Variants in EFTUD2 observed in about 807,000 individuals in gnomAD.
EFTUD2 encodes the protein elongation factor Tu GTP binding domain containing 2.
In EFTUD2, 9 loss-of-function variants were observed where a neutral mutation model predicts 114.3. The observed-to-expected ratio is 0.08, with a 90% confidence interval of 0.05 to 0.14. EFTUD2 has a LOEUF of 0.14. EFTUD2 is among the 10% of genes least tolerant of loss of function. EFTUD2 has a pLI of 1.00. For missense variants in EFTUD2, 765 were observed against 1,241.2 expected, an observed-to-expected ratio of 0.62 and a Z score of 5.76; for synonymous variants, 449 against 462.3, an observed-to-expected ratio of 0.97 and a Z score of 0.37.
chr17:44,876,769 C>T (rs1191489220), intron 9 of EFTUD2, among the ~76,000 whole-genome samples: 4 of 142,558 alleles, frequency 2.8e-5, no homozygotes, highest in East Asian at 2.2e-4. Flanking sequence ...AGGAGAATGG[C>T]GTGAACCCGG....
intron 13 of EFTUD2, among the ~76,000 whole-genome samples, chr17:44,865,553 T>G (rs573741068): frequency 1.3e-5 from 2 of 152,164 alleles, no homozygotes; most frequent in African/African-American, 4.8e-5. Context: ...TTTTTATTAA[T>G]CCATTCCAGT....
intron 4 of EFTUD2, 134 bp from the exon 5 acceptor site, chr17:44,883,858 A>G (rs2051117490): frequency 1.3e-6 from 1 of 742,716 alleles, no homozygotes; most frequent in Admixed American, 2.1e-5. Context: ...GGCAGATGTG[A>G]ATGTCTATAC....
Position 44,854,259 on chromosome 17 carries a change from G to T in EFTUD2, c.2347+10C>A, listed in dbSNP as rs542550666. ...CGAGGACTGGGGTGGGGGAGTGCTG[G>T]TGGACTTACATTCATCACAGAGGGG... On this transcript the variant is annotated intron_variant, in intron 23 of 27. Transcript: ENST00000426333. This position sits in a 1 kb window ranked among gnomAD's most constrained non-coding sequence, Gnocchi z 4.3. 2.5e-6 allele frequency: 4 copies of T among 1,610,496 alleles called. No homozygotes were observed. The African/African-American group carries it at 5.3e-5, about 22-fold the overall frequency.
Position 44,886,731 on chromosome 17 carries a change from T to C in EFTUD2, c.125A>G (p.Asp42Gly), listed in dbSNP as rs2051181249. 1.2e-6 allele frequency: 2 copies of C among 1,613,716 alleles called. No individual in the cohort carries two copies. Among genetic ancestry groups the C allele is most frequent in the South Asian group, 1.1e-5 (1 of 91,076 alleles). ...ATCGTCATGATCTCCTACGTCATCG[T>C]CGTCGTCATCATCATCCATCTGAAA... is the stretch of plus-strand genomic sequence containing the variant. ...DLDEMDDDDD[D>G]DDVGDHDDDH... is the part of the protein sequence containing the mutation. The change falls in exon 3 of 28, where the codon GAC becomes GGC. Residue 42 changes from aspartate (D) to glycine (G), a missense_variant. Physicochemically the swap from Asp to Gly is moderately conservative, Grantham distance 94. This residue lies in a region of EFTUD2 where 121 missense variants were observed against 133.7 expected (regional missense o/e 0.90). Transcript: ENST00000426333.
At position 44,864,311 on chromosome 17, in the gene EFTUD2, T is replaced by C. The variant is rs146786205; in HGVS notation, c.1286-529A>G. ...TTGATGGGCAGACCAAAATAAGCTATTAAAACTACGCACCTTGGGGGCCCA... is the reference window on the plus strand; with the variant it reads ...TTGATGGGCAGACCAAAATAAGCTACTAAAACTACGCACCTTGGGGGCCCA... On this transcript the variant is annotated intron_variant, in intron 14 of 27. Transcript: ENST00000426333. 5.0e-3 allele frequency among the ~76,000 whole-genome samples: 769 copies of C among 152,306 alleles called. 2 individuals are homozygous for C. Among genetic ancestry groups the C allele is most frequent in the Non-Finnish European group, 8.4e-3 (568 of 68,014 alleles).
At chr17:44,887,799 T>G (rs1047636246) in intron 2 of EFTUD2, among the ~76,000 whole-genome samples, 1 of 152,200 alleles carries the variant, frequency 6.6e-6, no homozygotes, top group Non-Finnish European at 1.5e-5. Flanking sequence ...GCCATTAAAT[T>G]GTACACTTTA....
rs2050519800 is a variant in EFTUD2, at chr17:44,854,881, C to T, written c.2132+37G>A. 1.2e-6 allele frequency: 2 copies of T among 1,603,688 alleles called. No individual in the cohort carries two copies. The highest frequency in any genetic ancestry group is 8.5e-7 in the Non-Finnish European group (1 of 1,170,832). On this transcript the variant is annotated intron_variant, in intron 21 of 27. Coordinates refer to ENST00000426333, the MANE Select transcript of EFTUD2 (RefSeq NM_004247.4). The surrounding 1 kb of genome is among the most constrained non-coding windows in gnomAD (Gnocchi z 4.3). ...CGGCAGTTAAACTGTGGCATCCCTG[C>T]CTCCTTTCGACCCTGGCGTCAGAGC...
At position 44,853,635 on chromosome 17, in the gene EFTUD2, A is replaced by G; in HGVS notation, c.2348T>C (p.Leu783Ser). ...GATCTTAAACTTGACATTCCGAATC[A>G]CTGTAAAGGAGGTGGAGGGAGTGAC... ...GTREGPLCDE[L>S]IRNVKFKILD... The change falls in exon 24 of 28, where the codon TTG (leucine) becomes TCG (serine). Residue 783 changes from leucine to serine, a missense_variant and splice_region_variant. Transcript: ENST00000426333. The G allele has an allele frequency of 6.2e-7, 1 of 1,613,810 alleles. No homozygotes were observed. Among genetic ancestry groups the G allele is most frequent in the Non-Finnish European group, 8.5e-7 (1 of 1,179,810 alleles).
intron 7 of EFTUD2, 105 bp downstream of exon 7, chr17:44,881,582 G>GA: frequency 3.4e-6 from 4 of 1,171,194 alleles, no homozygotes; most frequent in Non-Finnish European, 5.1e-6. Flanking sequence ...AGAGGAGTAG[G>GA]ATATGAACTA....
At position 44,881,637 on chromosome 17, in the gene EFTUD2, A is replaced by G. The variant is rs367802818; in HGVS notation, c.528+50T>C. On this transcript the variant is annotated intron_variant, in intron 7 of 27. Transcript: ENST00000426333. ...CCTCTACATTCCCTACAAAACTATT[A>G]CTGGTGGGTCTGGTGTAGGTGACAA... The G allele has an allele frequency of 2.5e-6, 4 of 1,599,722 alleles. No individual in the cohort carries two copies. In the African/African-American group the frequency reaches 5.4e-5, roughly 21 times the overall value.
rs532821226 is a variant in EFTUD2 at position 44,895,205 on chromosome 17, T to G, written c.-4-680A>C. 5.9e-5 allele frequency among the ~76,000 whole-genome samples: 9 copies of G among 152,372 alleles called. No homozygotes were observed. In the South Asian group the frequency reaches 1.9e-3, roughly 32 times the overall value. On this transcript the variant is annotated intron_variant, in intron 1 of 27. Transcript: ENST00000426333. ...AATGTCAGTGTCTATTAAAAAAGTT[T>G]CATTGGGAGGCCGGGCGCGGTGGCG...
At chr17:44,882,357 T>C (rs904171352) in intron 6 of EFTUD2, among the ~76,000 whole-genome samples, 7 of 152,174 alleles carry the variant, frequency 4.6e-5, no homozygotes. Context: ...GTTCAAGCGA[T>C]TCTCCTGCCT....
intron 19 of EFTUD2, chr17:44,857,472 GAAC>G (rs535197287): frequency 5.4e-4 from 176 of 327,840 alleles, no homozygotes; most frequent in Non-Finnish European, 8.9e-4. Flanking sequence ...ACCATTCACT[GAAC>G]AACCCCCATG....
chr17:44,897,172 C>T (rs1466524604), intron 1 of EFTUD2, among the ~76,000 whole-genome samples: 1 of 145,488 alleles, frequency 6.9e-6, no homozygotes, highest in South Asian at 2.2e-4. Flanking sequence ...GCGGAGACAG[C>T]GCCACTGCAC....
intron 20 of EFTUD2, among the ~76,000 whole-genome samples, chr17:44,856,694 T>C (rs564867286): frequency 4.7e-5 from 7 of 150,012 alleles, no homozygotes; most frequent in African/African-American, 1.5e-4. Flanking sequence ...TGTGTGCCCA[T>C]AGTCCTAGCT....
intron 11 of EFTUD2, among the ~76,000 whole-genome samples, chr17:44,872,098 C>G (rs2050865735): frequency 6.6e-6 from 1 of 152,188 alleles, no homozygotes; most frequent in South Asian, 2.1e-4. Flanking sequence ...GCTAGAAGCA[C>G]TAACAGTGAG....
At chr17:44,881,290 G>C (rs192039049) in intron 7 of EFTUD2, among the ~76,000 whole-genome samples, 480 of 152,348 alleles carry the variant, frequency 3.2e-3, no homozygotes, top group Non-Finnish European at 5.3e-3. Flanking sequence ...CATTTTCAAA[G>C]AGAAGCTACT....
intron 9 of EFTUD2, among the ~76,000 whole-genome samples, chr17:44,876,379 A>G (rs976612282): frequency 6.6e-6 from 1 of 152,200 alleles, no homozygotes; most frequent in African/African-American, 2.4e-5. Flanking sequence ...GGCTGGGAAG[A>G]GCCAGTGGTG....
rs1367764260 is a variant in EFTUD2 at position 44,871,018 on chromosome 17, A to C, written c.994+1428T>G. 1.3e-4 allele frequency among the ~76,000 whole-genome samples: 16 copies of C among 120,816 alleles called. No individual in the cohort carries two copies. The Admixed American group carries it at 1.3e-3, about 10-fold the overall frequency. The allele number at this position is 120,816 out of a possible 152,430, so 79.3% of individuals were successfully genotyped here. ...AGGCAACAGAGTGAGATTATGTCTC[A>C]AAAAAAAAAGAAAAAGAACCAAATT... On this transcript the variant is annotated intron_variant, in intron 11 of 27. Coordinates refer to ENST00000426333, the MANE Select transcript of EFTUD2 (RefSeq NM_004247.4).
Sources: gnomAD v4.1 joint callset for allele counts (sites outside exome capture counted in the v4.1 genomes callset) on GRCh38, gnomAD v4.1.1 for gene constraint, gnomAD v4.1.1 regional missense constraint, Gnocchi (gnomAD v3.1) non-coding constraint, MANE v1.5 for transcripts, NCBI Gene and HGNC (gene_info 2026-07-23, HGNC 2026-07-21) for gene names.